KAZN: variants seen among roughly 807,000 people sequenced by gnomAD.
The protein encoded by KAZN is kazrin.
KAZN carries 40 observed loss-of-function variants against 87.4 expected under a neutral mutation model. That is an observed-to-expected ratio of 0.46 (90% confidence interval 0.36 to 0.60). The LOEUF is 0.60. KAZN is among the 20% of genes least tolerant of loss of function. The probability of loss-of-function intolerance (pLI) is 0.00; values close to 1 mark genes in which losing one functional copy is unlikely to be tolerated. For synonymous variants in KAZN, 466 were observed against 458.3 expected (o/e 1.02, Z -0.22); for missense variants, 898 against 1,073.9 (o/e 0.84, Z 2.29).
chr1:14,269,261 G>A (rs537689959), intron 2 of KAZN, among the ~76,000 whole-genome samples: 15 of 152,200 alleles, frequency 9.9e-5, no homozygotes, highest in South Asian at 2.1e-4. Context: ...TTAAAATTTC[G>A]TGGGATGGGT....
intron 2 of KAZN, among the ~76,000 whole-genome samples, chr1:14,556,434 C>G (rs1477022416): frequency 6.6e-6 from 1 of 152,120 alleles, no homozygotes; most frequent in Admixed American, 6.5e-5. Context: ...TTAAGCACAG[C>G]ACCCCATTAA....
At chr1:14,237,462 C>A (rs1372381171) in intron 2 of KAZN, among the ~76,000 whole-genome samples, 7 of 152,138 alleles carry the variant, frequency 4.6e-5, no homozygotes, top group African/African-American at 1.7e-4. Flanking sequence ...GGTCTCTGGA[C>A]TGTTTCATTT....
At position 15,050,024 on chromosome 1, in the gene KAZN, AGTAGGGTAGG is replaced by A. The variant is rs762329299; in HGVS notation, c.726+5900_726+5909del. Among the ~76,000 whole-genome samples, 114 of 120,366 alleles carry A rather than the reference AGTAGGGTAGG, an allele frequency of 9.5e-4. 1 individual carries two copies. Among genetic ancestry groups the A allele is most frequent in the African/African-American group, 2.1e-3 (62 of 28,980 alleles). The allele number at this position is 120,366 out of a possible 152,430, so 79.0% of individuals were successfully genotyped here. A position where few individuals can be genotyped will look rare whatever the true frequency, so the allele number is the denominator to read the frequency against. ...ACAGAGTGAGACTCCATCAGAGTAGAGTAGGGTAGGGTAGGGTAGGGTAGGGTAGGGTAGG... is the reference window on the plus strand; with the variant it reads ...ACAGAGTGAGACTCCATCAGAGTAGAGTAGGGTAGGGTAGGGTAGGGTAGG... On this transcript the variant is annotated intron_variant, in intron 4 of 14. Coordinates refer to ENST00000376030, the MANE Select transcript of KAZN (RefSeq NM_201628.3).
At chr1:14,434,621 G>T (rs1666273806) in intron 2 of KAZN, among the ~76,000 whole-genome samples, 1 of 152,208 alleles carries the variant, frequency 6.6e-6, no homozygotes, top group South Asian at 2.1e-4. Flanking sequence ...TGGGGAGCAG[G>T]AAGCAGGACC....
intron 1 of KAZN, among the ~76,000 whole-genome samples, chr1:14,959,509 G>T (rs1663578790): frequency 6.6e-6 from 1 of 152,148 alleles, no homozygotes; most frequent in Admixed American, 6.5e-5. Context: ...GATGTAAAAT[G>T]AAGGAAGGGG....
rs12083956 is a variant in KAZN, at chr1:14,711,405, G to T, written c.226+112182G>T. Among the ~76,000 whole-genome samples the T allele has an allele frequency of 3.8e-3, 584 of 152,202 alleles. 4 individuals are homozygous for T. The highest frequency in any genetic ancestry group is 0.013 in the African/African-American group (550 of 41,522). ...GAGGGCCACATTTGGTTTGGGGATG[G>T]TCACATTTCGTTTGGGGATGACAGT... On this transcript the variant is annotated intron_variant, in intron 1 of 14. Transcript: ENST00000376030.
rs1457899147 is a variant in KAZN, at chr1:14,472,384, T to C, written c.250-126599T>C. Among the ~76,000 whole-genome samples, 4 of 152,198 alleles carry C rather than the reference T, an allele frequency of 2.6e-5. No homozygotes were observed. In the South Asian group the frequency reaches 6.2e-4, roughly 24 times the overall value. On this transcript the variant is annotated intron_variant, in intron 2 of 16. Transcript: ENST00000636203. ...GTCCAATGCAATGGGGAAGAGTCTA[T>C]TCACGGTAATCATTCTGGGGCCCAG...
chr1:14,776,671 A>C (rs1305300222), intron 1 of KAZN, among the ~76,000 whole-genome samples: 1 of 152,166 alleles, frequency 6.6e-6, no homozygotes, highest in Non-Finnish European at 1.5e-5. Context: ...ACACACCTGT[A>C]ATCCCAGCAC....
At position 15,044,332 on chromosome 1, in the gene KAZN, A is replaced by G. The variant is rs957172032; in HGVS notation, c.726+173A>G. ...GGGAGGGGGCTTTCTGCAATGCATC[A>G]TAAGTTTCCCTCCAAGACCATGCCC... On this transcript the variant is annotated intron_variant, in intron 4 of 14. Coordinates refer to ENST00000376030, the MANE Select transcript of KAZN (RefSeq NM_201628.3). Among the ~76,000 whole-genome samples the G allele has an allele frequency of 5.9e-5, 9 of 152,212 alleles. No homozygotes were observed. The South Asian group carries it at 1.9e-3, about 32-fold the overall frequency.
intron 1 of KAZN, among the ~76,000 whole-genome samples, chr1:14,659,083 C>CAA (rs1288725126): frequency 4.6e-5 from 7 of 152,046 alleles, no homozygotes; most frequent in Non-Finnish European, 1.0e-4. Flanking sequence ...ACTGAAAATA[C>CAA]AAAAATTACC....
chr1:14,491,913 T>C (rs913904091), intron 2 of KAZN, among the ~76,000 whole-genome samples: 3 of 152,222 alleles, frequency 2.0e-5, no homozygotes, highest in Admixed American at 6.5e-5. Flanking sequence ...TTTAACTTTT[T>C]TGCCTATCCC....
At chr1:14,899,038 A>G (rs999432319) in intron 1 of KAZN, among the ~76,000 whole-genome samples, 2 of 152,200 alleles carry the variant, frequency 1.3e-5, no homozygotes, top group Non-Finnish European at 2.9e-5. Context: ...CCATCTCTGC[A>G]CTAGATCACT....
intron 2 of KAZN, among the ~76,000 whole-genome samples, chr1:14,225,504 A>G (rs549441765): frequency 1.3e-5 from 2 of 152,296 alleles, no homozygotes; most frequent in African/African-American, 4.8e-5. Context: ...TACCAATGAC[A>G]TTTTTCACAA....
At chr1:14,828,690 T>A (rs1421983929) in intron 1 of KAZN, among the ~76,000 whole-genome samples, 4 of 152,160 alleles carry the variant, frequency 2.6e-5, no homozygotes, top group Non-Finnish European at 4.4e-5. Flanking sequence ...GCTTAAACTA[T>A]GTTTTTTTCC....
intron 1 of KAZN, among the ~76,000 whole-genome samples, chr1:14,621,451 C>A (rs1678691082): frequency 6.6e-6 from 1 of 152,210 alleles, no homozygotes; most frequent in Non-Finnish European, 1.5e-5. Context: ...AGACTCTGGG[C>A]TATAAGGAAC....
intron 2 of KAZN, among the ~76,000 whole-genome samples, chr1:14,425,252 C>T (rs1665658526): frequency 1.3e-5 from 2 of 152,156 alleles, no homozygotes; most frequent in African/African-American, 4.8e-5. Context: ...CAGAGCCTGC[C>T]CCTACATCTT....
chr1:14,034,470 A>G (rs1173839872), intron 1 of KAZN, among the ~76,000 whole-genome samples: 2 of 152,248 alleles, frequency 1.3e-5, no homozygotes, highest in African/African-American at 4.8e-5. Context: ...CACACAGTAT[A>G]TATTTAACAA....
rs1642854914 is a variant in KAZN at position 14,062,956 on chromosome 1, G to T, written c.92-117479G>T. ...TGTCTCCATGAATAGATGAGACGTG[G>T]CTGGAAGCATAGGAATTATAAAATG... On this transcript the variant is annotated intron_variant, in intron 1 of 16. Coordinates refer to the KAZN transcript ENST00000636203. Among the ~76,000 whole-genome samples, 3 of 152,292 alleles carry T rather than the reference G, an allele frequency of 2.0e-5. No individual in the cohort carries two copies. The South Asian group carries it at 6.2e-4, about 32-fold the overall frequency.
At chr1:14,569,791 T>G (rs1674753988) in intron 2 of KAZN, among the ~76,000 whole-genome samples, 1 of 152,094 alleles carries the variant, frequency 6.6e-6, no homozygotes, top group Non-Finnish European at 1.5e-5. Context: ...AGTTAGGAGC[T>G]GAATCCTTAA....
Sources: allele counts gnomAD v4.1 joint callset (sites outside exome capture counted in the v4.1 genomes callset), GRCh38; gene constraint gnomAD v4.1.1; transcripts MANE v1.5; gene names NCBI Gene and HGNC (gene_info 2026-07-23, HGNC 2026-07-21).